The following PRP4K variants were observed in gnomAD, a reference collection of about 807,000 sequenced individuals.
PRP4K encodes pre-mRNA processing factor kinase PRP4K, also known as serine/threonine-protein kinase PRP4 homolog.
the PRP4K span, among the ~76,000 whole-genome samples, chr6:4,022,490 A>G: frequency 2.1e-5 from 3 of 143,550 alleles, no homozygotes; most frequent in Non-Finnish European, 4.6e-5. Flanking sequence ...TTTTTTTTGC[A>G]TCTGCACTGT....
the PRP4K span, among the ~76,000 whole-genome samples, chr6:4,033,608 GT>G: frequency 6.6e-6 from 1 of 151,982 alleles, no homozygotes; most frequent in African/African-American, 2.4e-5. Flanking sequence ...TGCCAGCTAG[GT>G]TTTGCTTATT....
the PRP4K span, among the ~76,000 whole-genome samples, chr6:4,029,380 G>A: frequency 0.055 from 6,933 of 125,568 alleles, 583 homozygotes; most frequent in African/African-American, 0.19. Context: ...GTCTTGCTCT[G>A]TCACCCAGGC....
At chr6:4,049,703 A>T in the PRP4K span, 2 of 1,584,436 alleles carry the variant, frequency 1.3e-6, no homozygotes, top group Non-Finnish European at 1.7e-6. Flanking sequence ...TTATAGTCAG[A>T]ATTCTAATTT....
the PRP4K span, chr6:4,060,654 A>G: frequency 6.5e-7 from 1 of 1,537,638 alleles, no homozygotes; most frequent in Admixed American, 2.1e-5. The surrounding 1 kb of genome is among the most constrained non-coding windows in gnomAD (Gnocchi z 4.7). Flanking sequence ...AGTAAATACA[A>G]AGACTGAAGA....
the PRP4K span, among the ~76,000 whole-genome samples, chr6:4,022,951 A>G: frequency 2.6e-5 from 4 of 152,204 alleles, no homozygotes; most frequent in Admixed American, 6.5e-5. Flanking sequence ...GTTTATTCAC[A>G]TACTGTATTC....
the PRP4K span, among the ~76,000 whole-genome samples, chr6:4,029,964 A>T: frequency 2.1e-5 from 3 of 143,520 alleles, no homozygotes; most frequent in African/African-American, 2.6e-5. Context: ...TGGTTTTGAG[A>T]CTGCGTCACA....
the PRP4K span, among the ~76,000 whole-genome samples, chr6:4,025,242 G>C: frequency 5.9e-5 from 9 of 152,140 alleles, no homozygotes; most frequent in Non-Finnish European, 1.0e-4. Context: ...TATATTTATT[G>C]TCAGTATAAA....
chr6:4,058,615 C>T, the PRP4K span: 1 of 816,748 alleles, frequency 1.2e-6, no homozygotes, highest in Non-Finnish European at 2.0e-6. Flanking sequence ...TGAGATCAAA[C>T]AAACCTACAG....
chr6:4,024,663 C>G, the PRP4K span, among the ~76,000 whole-genome samples: 1 of 152,060 alleles, frequency 6.6e-6, no homozygotes, highest in Non-Finnish European at 1.5e-5. Flanking sequence ...AGTGCAGTAG[C>G]GCAATCTTGG....
At chr6:4,021,318 A>G in the PRP4K span, 6 of 1,450,044 alleles carry the variant, frequency 4.1e-6, no homozygotes, top group Non-Finnish European at 5.7e-6. Context: ...GCTCTTCCCT[A>G]CACGGTCGGC....
chr6:4,034,240 A>C, the PRP4K span, among the ~76,000 whole-genome samples: 1 of 152,064 alleles, frequency 6.6e-6, no homozygotes, highest in East Asian at 1.9e-4. Flanking sequence ...CTGCGACAAA[A>C]CATATAGATT....
the PRP4K span, among the ~76,000 whole-genome samples, chr6:4,036,755 C>T: frequency 2.0e-5 from 3 of 151,876 alleles, no homozygotes; most frequent in Middle Eastern, 3.2e-3. Context: ...TTTTGGAGGC[C>T]AAGGGAGAAC....
At chr6:4,052,412 A>G in the PRP4K span, among the ~76,000 whole-genome samples, 5 of 152,224 alleles carry the variant, frequency 3.3e-5, no homozygotes, top group African/African-American at 7.2e-5. Flanking sequence ...TTTATCTTCA[A>G]CAGTGTGGCT....
At chr6:4,049,484 A>G in the PRP4K span, 2 of 491,334 alleles carry the variant, frequency 4.1e-6, no homozygotes, top group African/African-American at 3.9e-5. Flanking sequence ...AATTGGAAAA[A>G]CTTAATGTTA....
chr6:4,045,982 A>G, the PRP4K span, among the ~76,000 whole-genome samples: 1 of 152,196 alleles, frequency 6.6e-6, no homozygotes, highest in Non-Finnish European at 1.5e-5. Context: ...ACATACTTAG[A>G]TCGATATACT....
At chr6:4,056,866 C>A in the PRP4K span, 3 of 1,065,138 alleles carry the variant, frequency 2.8e-6, no homozygotes, top group Non-Finnish European at 3.9e-6. Flanking sequence ...AAGTTTGAGT[C>A]TCTATTAAGA....
At chr6:4,031,043 CAAGT>C in the PRP4K span, among the ~76,000 whole-genome samples, 2 of 152,116 alleles carry the variant, frequency 1.3e-5, no homozygotes, top group Non-Finnish European at 2.9e-5. Flanking sequence ...CTGCTCAAAA[CAAGT>C]GACCTGCTGG....
At chr6:4,043,522 G>C in the PRP4K span, among the ~76,000 whole-genome samples, 3 of 152,106 alleles carry the variant, frequency 2.0e-5, no homozygotes, top group Non-Finnish European at 4.4e-5. Flanking sequence ...GAGGCATACT[G>C]TAGTAGTCAC....
the PRP4K span, chr6:4,049,004 C>G: frequency 2.5e-6 from 4 of 1,604,572 alleles, no homozygotes; most frequent in Middle Eastern, 1.7e-4. Flanking sequence ...CATGTTGCCT[C>G]TTTAATTTCA....
Sources: gnomAD v4.1 joint callset for allele counts (sites outside exome capture counted in the v4.1 genomes callset) on GRCh38, gnomAD v4.1.1 for gene constraint, Gnocchi (gnomAD v3.1) non-coding constraint, MANE v1.5 for transcripts, NCBI Gene and HGNC (gene_info 2026-07-23, HGNC 2026-07-21) for gene names.